Variants in LMO3 observed in about 807,000 individuals in gnomAD.
The protein encoded by LMO3 is LIM domain only protein 3.
A neutral mutation model predicts 15.8 loss-of-function variants in LMO3; 2 were observed. That is an observed-to-expected ratio of 0.13 (90% CI 0.05 to 0.40). The LOEUF (loss-of-function observed/expected upper bound fraction) is 0.40, where lower values mean the gene tolerates loss of function less well. Among genes scored for constraint, LMO3 ranks in the 10% least tolerant of loss-of-function variants. The pLI, the probability that LMO3 is intolerant of heterozygous loss-of-function variation, is 0.99. For missense variants in LMO3, 86 were observed against 182.2 expected (o/e 0.47, Z 3.04); for synonymous variants, 62 against 63.8 (o/e 0.97, Z 0.13).
chr12:16,566,040 A>ATATATATATATATAT (rs1942598708), intron 2 of LMO3, among the ~76,000 whole-genome samples: 4 of 106,806 alleles, frequency 3.7e-5, no homozygotes, highest in Admixed American at 1.1e-4. Context: ...ATATATATAT[A>ATATATATATATATAT]AAATGGAGTA....
intron 2 of LMO3, among the ~76,000 whole-genome samples, chr12:16,566,040 A>ATGT (rs1942598708): frequency 9.4e-6 from 1 of 106,802 alleles, no homozygotes; most frequent in Non-Finnish European, 1.9e-5. Flanking sequence ...ATATATATAT[A>ATGT]AAATGGAGTA....
Position 16,606,070 on chromosome 12 carries a change from T to C in LMO3, c.-13A>G, listed in dbSNP as rs1387815113. 2.1e-6 allele frequency: 1 copy of C among 480,538 alleles called. No individual in the cohort carries two copies. Among genetic ancestry groups the C allele is most frequent in the Admixed American group, 3.6e-5 (1 of 27,980 alleles). The allele number at this position is 480,538 out of a possible 1,614,324, so 29.8% of individuals were successfully genotyped here. A position where few individuals can be genotyped will look rare whatever the true frequency, so the allele number is the denominator to read the frequency against. ...GTACACAGTTGCTGCACTTACCTTC[T>C]CAATTAAGCGATACAGGGGGAGGCC... is the stretch of plus-strand genomic sequence containing the variant. On this transcript the variant is annotated 5_prime_UTR_variant, in exon 1 of 4. Coordinates refer to ENST00000537304, the MANE Select transcript of LMO3 (RefSeq NM_018640.5).
At chr12:16,583,145 A>G (rs1367291815) in intron 2 of LMO3, among the ~76,000 whole-genome samples, 1 of 152,166 alleles carries the variant, frequency 6.6e-6, no homozygotes, top group African/African-American at 2.4e-5. Context: ...TTAAAAGAGA[A>G]GAGAGACTGT....
rs1363741596 is a variant in LMO3 at position 16,584,151 on chromosome 12, A to T, written c.206+16504T>A. On this transcript the variant is annotated intron_variant, in intron 2 of 3. Coordinates refer to ENST00000537304, the MANE Select transcript of LMO3 (RefSeq NM_018640.5). This position sits in a 1 kb window ranked among gnomAD's most constrained non-coding sequence, Gnocchi z 5.2. ...AGAATTGTGGTAAGAGGGAAATGAC[A>T]GCAGTGAGTAGGGGTAAAAGGTAGT... is the stretch of plus-strand genomic sequence containing the variant. Among the ~76,000 whole-genome samples the T allele has an allele frequency of 6.6e-6, 1 of 152,142 alleles. No individual in the cohort carries two copies. Among genetic ancestry groups the T allele is most frequent in the African/African-American group, 2.4e-5 (1 of 41,442 alleles).
chr12:16,563,200 A>T (rs1942464967), intron 2 of LMO3, among the ~76,000 whole-genome samples: 1 of 152,156 alleles, frequency 6.6e-6, no homozygotes, highest in African/African-American at 2.4e-5. Flanking sequence ...CTGAGTGTGG[A>T]GATGCGGAAA....
At position 16,551,114 on chromosome 12, in the gene LMO3, A is replaced by C; in HGVS notation, c.*108T>G. ...TTCCATATAACCATCCTGCCTTCCT[A>C]TATCTACGCTATTCAGTAGGTTCCT... On this transcript the variant is annotated 3_prime_UTR_variant, in exon 4 of 4. Transcript: ENST00000537304. The C allele has an allele frequency of 1.4e-6, 1 of 717,386 alleles. No individual in the cohort carries two copies. Among genetic ancestry groups the C allele is most frequent in the Non-Finnish European group, 2.5e-6 (1 of 405,974 alleles). The allele number at this position is 717,386 out of a possible 1,614,324, so 44.4% of individuals were successfully genotyped here. A position where few individuals can be genotyped will look rare whatever the true frequency, so the allele number is the denominator to read the frequency against.
At chr12:16,580,515 G>A (rs1943126375) in intron 2 of LMO3, among the ~76,000 whole-genome samples, 2 of 152,138 alleles carry the variant, frequency 1.3e-5, no homozygotes, top group East Asian at 1.9e-4. Context: ...ATCTTGATTT[G>A]GAAAACCTTT....
intron 2 of LMO3, among the ~76,000 whole-genome samples, chr12:16,578,105 C>T (rs959213782): frequency 6.6e-6 from 1 of 152,066 alleles, no homozygotes. Flanking sequence ...GGCACCTCAT[C>T]GCCTCCCAGA....
At chr12:16,574,436 C>T (rs1942929645) in intron 2 of LMO3, among the ~76,000 whole-genome samples, 1 of 152,048 alleles carries the variant, frequency 6.6e-6, no homozygotes, top group Non-Finnish European at 1.5e-5. Context: ...CTAAAATCTC[C>T]TGTGACAGAT....
In LMO3 at chr12:16,586,012, G is replaced by A. The variant is rs981857888; in HGVS notation, c.206+14643C>T. On this transcript the variant is annotated intron_variant, in intron 2 of 3. Coordinates refer to ENST00000537304, the MANE Select transcript of LMO3 (RefSeq NM_018640.5). This position sits in a 1 kb window ranked among gnomAD's most constrained non-coding sequence, Gnocchi z 4.3. ...TCCCCAATAGCATCCTTAGGACACT[G>A]ATGTTTTTGCAGCTGTTAATGAAAA... 1.3e-5 allele frequency among the ~76,000 whole-genome samples: 2 copies of A among 152,098 alleles called. No homozygotes were observed. The highest frequency in any genetic ancestry group is 4.8e-5 in the African/African-American group (2 of 41,424).
At chr12:16,554,871 G>A (rs749990199) in intron 3 of LMO3, among the ~76,000 whole-genome samples, 6 of 152,014 alleles carry the variant, frequency 3.9e-5, no homozygotes, top group Non-Finnish European at 8.8e-5. Context: ...TGTTAGCCAG[G>A]ATGGTCTCGA....
rs187701731 is a variant in LMO3, at chr12:16,563,839, A to G, written c.207-3301T>C. On this transcript the variant is annotated intron_variant, in intron 2 of 3. Coordinates refer to ENST00000537304, the MANE Select transcript of LMO3 (RefSeq NM_018640.5). Reference sequence around the variant, plus strand: ...CCAGCTTATACATTTACGGTAAGGAAAAAAATAAGCTCATTGATCTATTTT... The same window carrying G: ...CCAGCTTATACATTTACGGTAAGGAGAAAAATAAGCTCATTGATCTATTTT... 8.5e-5 allele frequency among the ~76,000 whole-genome samples: 13 copies of G among 152,302 alleles called. No homozygotes were observed. In the East Asian group the frequency reaches 2.3e-3, roughly 27 times the overall value.
rs1943658388 is a variant in LMO3, at chr12:16,596,376, A to G, written c.206+4279T>C. Among the ~76,000 whole-genome samples the G allele has an allele frequency of 6.6e-6, 1 of 151,626 alleles. No homozygotes were observed. Among genetic ancestry groups the G allele is most frequent in the South Asian group, 2.1e-4 (1 of 4,832 alleles). ...TATATAAGACATTTTACAGCTTCTT[A>G]TATAGGAAAAGCTATAAGCAGCTTC... is the stretch of plus-strand genomic sequence containing the variant. On this transcript the variant is annotated intron_variant, in intron 2 of 3. Coordinates refer to ENST00000537304, the MANE Select transcript of LMO3 (RefSeq NM_018640.5). The surrounding 1 kb of genome is among the most constrained non-coding windows in gnomAD (Gnocchi z 4.3).
Position 16,604,574 on chromosome 12 carries a change from A to AT in LMO3, c.-9+1491_-9+1492insA. 2.6e-6 allele frequency: 1 copy of AT among 380,908 alleles called. No individual in the cohort carries two copies. Among genetic ancestry groups the AT allele is most frequent in the Non-Finnish European group, 4.7e-6 (1 of 213,336 alleles). 23.6% of individuals were successfully genotyped at this position (380,908 alleles called of 1,614,324 possible). A position where few individuals can be genotyped will look rare whatever the true frequency, so the allele number is the denominator to read the frequency against. The stretch of plus-strand genomic sequence containing the variant: ...GCTCACATGCAAAATAAAAAAAAAA[A>AT]ATAAGAAACATACATACACTCTAAC... On this transcript the variant is annotated intron_variant, in intron 1 of 3. Coordinates refer to ENST00000537304, the MANE Select transcript of LMO3 (RefSeq NM_018640.5). This position sits in a 1 kb window ranked among gnomAD's most constrained non-coding sequence, Gnocchi z 5.3.
rs1565488437 is a variant in LMO3 at position 16,566,039 on chromosome 12, T to TATATAA, written c.207-5502_207-5501insTTATAT. On this transcript the variant is annotated intron_variant, in intron 2 of 3. Coordinates refer to ENST00000537304, the MANE Select transcript of LMO3 (RefSeq NM_018640.5). The stretch of plus-strand genomic sequence containing the variant: ...ATATATATATATATATATATATATA[T>TATATAA]AAAATGGAGTACTATTCAGCCATAA... Among the ~76,000 whole-genome samples, 15 of 86,506 alleles carry TATATAA rather than the reference T, an allele frequency of 1.7e-4. 1 individual carries two copies. The highest frequency in any genetic ancestry group is 3.2e-4 in the Non-Finnish European group (14 of 44,266). 56.8% of individuals were successfully genotyped at this position (86,506 alleles called of 152,430 possible).
At chr12:16,583,560 C>T (rs745641580) in intron 2 of LMO3, among the ~76,000 whole-genome samples, 1 of 152,048 alleles carries the variant, frequency 6.6e-6, no homozygotes, top group Non-Finnish European at 1.5e-5. Context: ...AGACCTCATT[C>T]CCATAGATGG....
chr12:16,583,197 G>T (rs997859972), intron 2 of LMO3, among the ~76,000 whole-genome samples: 1 of 152,136 alleles, frequency 6.6e-6, no homozygotes, highest in Admixed American at 6.5e-5. Flanking sequence ...TTAGCAATTG[G>T]ATGTCAGTAA....
At chr12:16,594,431 G>A (rs1394481973) in intron 2 of LMO3, 1 of 502,278 alleles carries the variant, frequency 2.0e-6, no homozygotes, top group Non-Finnish European at 3.4e-6. Context: ...ACAGAGTATT[G>A]CTATTTTTAT....
upstream of LMO3, chr12:16,609,814 TTTC>T (rs1308236228): frequency 1.3e-5 from 2 of 152,136 alleles, no homozygotes; most frequent in African/African-American, 4.8e-5. Flanking sequence ...TTTTCAGCTG[TTTC>T]TTTCTTTAAA....
Sources: allele counts gnomAD v4.1 joint callset (sites outside exome capture counted in the v4.1 genomes callset), GRCh38; gene constraint gnomAD v4.1.1; non-coding constraint Gnocchi (gnomAD v3.1); transcripts MANE v1.5; gene names NCBI Gene and HGNC (gene_info 2026-07-23, HGNC 2026-07-21).